Variants in TAF3 observed in about 807,000 individuals in gnomAD.
TAF3 encodes the protein TATA-box binding protein associated factor 3.
A neutral mutation model predicts 80.6 loss-of-function variants in TAF3; 7 were observed. The ratio of observed to expected loss-of-function variants is 0.09; its 90% CI spans 0.05 to 0.16. TAF3 has a LOEUF of 0.16. Among genes scored for constraint, TAF3 ranks in the 10% least tolerant of loss-of-function variants. TAF3 has a pLI of 1.00. For missense variants in TAF3, 921 were observed against 1,140.2 expected, an observed-to-expected ratio of 0.81 and a Z score of 2.77; for synonymous variants, 444 against 446.1, an observed-to-expected ratio of 1.00 and a Z score of 0.06.
At chr10:7,974,663 G>A (rs1398781809) in intron 3 of TAF3, among the ~76,000 whole-genome samples, 1 of 152,102 alleles carries the variant, frequency 6.6e-6, no homozygotes, top group Non-Finnish European at 1.5e-5. Flanking sequence ...AAGGGTTGAG[G>A]AATGAAGAAG....
chr10:7,851,643 C>T (rs1837027532), intron 2 of TAF3, among the ~76,000 whole-genome samples: 1 of 152,170 alleles, frequency 6.6e-6, no homozygotes, highest in Non-Finnish European at 1.5e-5. Context: ...TCCCTTCTCC[C>T]CTTTCATGTT....
intron 2 of TAF3, among the ~76,000 whole-genome samples, chr10:7,875,494 A>G (rs1012628386): frequency 9.2e-5 from 14 of 152,196 alleles, no homozygotes; most frequent in African/African-American, 3.4e-4. Flanking sequence ...AGAGGTACAG[A>G]AGGATGTGTG....
At chr10:7,918,725 G>A (rs756147680) in intron 2 of TAF3, among the ~76,000 whole-genome samples, 1 of 152,176 alleles carries the variant, frequency 6.6e-6, no homozygotes, top group Non-Finnish European at 1.5e-5. Context: ...TCCGTAGACC[G>A]TATCTCTGCC....
At chr10:7,840,061 T>A (rs1370979088) in intron 2 of TAF3, among the ~76,000 whole-genome samples, 4 of 152,158 alleles carry the variant, frequency 2.6e-5, no homozygotes, top group East Asian at 1.9e-4. Flanking sequence ...GATTTTTGGA[T>A]GGGGGAGTAT....
intron 2 of TAF3, among the ~76,000 whole-genome samples, chr10:7,858,803 G>T (rs578224554): frequency 9.3e-5 from 12 of 128,980 alleles, no homozygotes; most frequent in African/African-American, 3.5e-4. Flanking sequence ...TACATTATAG[G>T]CTCTGTGTGT....
At chr10:7,994,383 T>A (rs971160716) in intron 4 of TAF3, among the ~76,000 whole-genome samples, 1 of 152,116 alleles carries the variant, frequency 6.6e-6, no homozygotes, top group African/African-American at 2.4e-5. Context: ...CCATTGCTAC[T>A]GGGATGTCAT....
At chr10:7,941,854 C>T (rs1158769265) in intron 2 of TAF3, among the ~76,000 whole-genome samples, 1 of 152,086 alleles carries the variant, frequency 6.6e-6, no homozygotes. Flanking sequence ...GGAGAGACAT[C>T]CTTGTGTTGG....
At chr10:7,902,461 A>G (rs563361212) in intron 2 of TAF3, among the ~76,000 whole-genome samples, 1 of 152,056 alleles carries the variant, frequency 6.6e-6, no homozygotes, top group Non-Finnish European at 1.5e-5. Context: ...TTCTTAGGAG[A>G]TGTTATTAAG....
Position 8,009,189 on chromosome 10 carries a change from C to T in TAF3, c.2427C>T (p.Ser809=), listed in dbSNP as rs1162306721. Residue 809 remains serine (S), a synonymous_variant, in exon 5 of 7, where the codon AGC becomes AGT. Coordinates refer to ENST00000344293, the MANE Select transcript of TAF3 (RefSeq NM_031923.4). This position sits in a 1 kb window ranked among gnomAD's most constrained non-coding sequence, Gnocchi z 4.1. The part of the protein sequence containing the change: ...PAPAPGPMLV[S]PAPVPLPLLA... ...CCGCCCCCGGCCCCATGCTCGTCAGCCCTGCGCCCGTGCCGCTGCCGCTGC... is the reference window on the plus strand; with the variant it reads ...CCGCCCCCGGCCCCATGCTCGTCAGTCCTGCGCCCGTGCCGCTGCCGCTGC... 1.4e-6 allele frequency: 2 copies of T among 1,475,776 alleles called. No homozygotes were observed. Among genetic ancestry groups the T allele is most frequent in the Admixed American group, 4.7e-5 (2 of 42,728 alleles). The allele number at this position is 1,475,776 out of a possible 1,614,324, so 91.4% of individuals were successfully genotyped here.
At chr10:7,897,957 G>A (rs1452621886) in intron 2 of TAF3, among the ~76,000 whole-genome samples, 4 of 151,772 alleles carry the variant, frequency 2.6e-5, no homozygotes, top group African/African-American at 4.8e-5. Flanking sequence ...CACCACACCC[G>A]GTCCCTATTT....
At chr10:7,830,736 G>T (rs754853364) in intron 2 of TAF3, among the ~76,000 whole-genome samples, 33 of 151,896 alleles carry the variant, frequency 2.2e-4, no homozygotes, top group Admixed American at 1.2e-3. Flanking sequence ...CGCCAGCCTC[G>T]GCCTCCCAAA....
At chr10:7,952,735 TATTG>T (rs915081722) in intron 2 of TAF3, among the ~76,000 whole-genome samples, 18 of 152,206 alleles carry the variant, frequency 1.2e-4, no homozygotes, top group African/African-American at 4.1e-4. Context: ...TTTCTTGTGT[TATTG>T]ATTGGTTGTA....
intron 6 of TAF3, 68 bp downstream of exon 6, chr10:8,013,905 T>TC: frequency 7.6e-7 from 1 of 1,320,548 alleles, no homozygotes; most frequent in African/African-American, 1.4e-5. Flanking sequence ...AGATGAAGCA[T>TC]CCACTGAGTA....
chr10:7,823,012 T>C (rs1244466), intron 1 of TAF3, among the ~76,000 whole-genome samples: 98,383 of 151,996 alleles, frequency 0.65, 32,283 homozygotes, highest in South Asian at 0.88. Context: ...ACTCAGAAGG[T>C]GAAGGTAGGA....
intron 3 of TAF3, among the ~76,000 whole-genome samples, chr10:7,969,677 G>C (rs1459618446): frequency 6.6e-6 from 1 of 152,170 alleles, no homozygotes; most frequent in Non-Finnish European, 1.5e-5. Flanking sequence ...AAATCCATCT[G>C]TCAAAGTGGG....
intron 2 of TAF3, among the ~76,000 whole-genome samples, chr10:7,852,998 A>C (rs1416808317): frequency 1.3e-5 from 2 of 152,210 alleles, no homozygotes; most frequent in Non-Finnish European, 2.9e-5. Flanking sequence ...GATTTGATAG[A>C]TATTAGTCCA....
At chr10:7,965,763 G>T in intron 3 of TAF3, 21 bp downstream of exon 3, 2 of 1,516,386 alleles carry the variant, frequency 1.3e-6, no homozygotes, top group Non-Finnish European at 8.8e-7. Context: ...TCTCATTTTT[G>T]GCCCTATCTG....
At chr10:7,875,066 C>T (rs1837301952) in intron 2 of TAF3, among the ~76,000 whole-genome samples, 1 of 152,086 alleles carries the variant, frequency 6.6e-6, no homozygotes, top group African/African-American at 2.4e-5. Flanking sequence ...TTAAGTGAAG[C>T]TTTCTTATCT....
At chr10:7,884,106 G>A (rs552274189) in intron 2 of TAF3, among the ~76,000 whole-genome samples, 5 of 152,244 alleles carry the variant, frequency 3.3e-5, no homozygotes, top group African/African-American at 9.6e-5. Context: ...CAACTGCCCC[G>A]CCTCTCAATA....
Sources: gnomAD v4.1 joint callset for allele counts (sites outside exome capture counted in the v4.1 genomes callset) on GRCh38, gnomAD v4.1.1 for gene constraint, Gnocchi (gnomAD v3.1) non-coding constraint, MANE v1.5 for transcripts, NCBI Gene and HGNC (gene_info 2026-07-23, HGNC 2026-07-21) for gene names.